The following AREL1 variants were observed in gnomAD, a reference collection of about 807,000 sequenced individuals.
AREL1 encodes apoptosis-resistant E3 ubiquitin protein ligase 1.
AREL1 carries 62 observed loss-of-function variants against 99.0 expected under a neutral mutation model. That is an observed-to-expected ratio of 0.63 (90% CI 0.51 to 0.77). AREL1 has a LOEUF of 0.77. AREL1 is among the 30% of genes least tolerant of loss of function. AREL1 has a pLI of 0.00. For missense variants in AREL1, 879 were observed against 1,027.6 expected, an observed-to-expected ratio of 0.86 and a Z score of 1.98; for synonymous variants, 380 against 376.5, an observed-to-expected ratio of 1.01 and a Z score of -0.11.
intron 2 of AREL1, among the ~76,000 whole-genome samples, chr14:74,686,317 C>T (rs562612226): frequency 6.6e-6 from 1 of 152,104 alleles, no homozygotes; most frequent in Non-Finnish European, 1.5e-5. Flanking sequence ...CTCAGTCATG[C>T]CTGTCAAGGT....
rs1278516088 is a variant in AREL1 at position 74,663,900 on chromosome 14, A to G, written c.2368T>C (p.Cys790Arg). 2 of 1,614,082 alleles carry G rather than the reference A, an allele frequency of 1.2e-6. No homozygotes were observed. The highest frequency in any genetic ancestry group is 1.7e-6 in the Non-Finnish European group (2 of 1,180,032). Reference protein sequence around the residue: ...THSTLPTAHTCFNQLCLPTYD... With the variant: ...THSTLPTAHTRFNQLCLPTYD... The stretch of plus-strand genomic sequence containing the variant: ...TGCATCAGGCGGGCAGATACCTACC[A>G]TGTGTGTGCAGTAGGCAGCGTGCTA... The change falls in exon 19 of 20, where the codon TGT becomes CGT. Residue 790 changes from cysteine to arginine, a missense_variant and splice_region_variant. Transcript: ENST00000356357.
chr14:74,667,461 C>T lies in AREL1; in HGVS notation c.2044+4G>A. ...TTCAAGGCCAAGAACAGACAGGATC[C>T]CACCTTTTAGGAAATGTTCCACCTC... On this transcript the variant is annotated splice_donor_region_variant and intron_variant, in intron 16 of 19. Transcript: ENST00000356357. 6.2e-7 allele frequency: 1 copy of T among 1,613,648 alleles called. No homozygotes were observed. Among genetic ancestry groups the T allele is most frequent in the Non-Finnish European group, 8.5e-7 (1 of 1,179,636 alleles).
chr14:74,702,715 G>A (rs1228049252), intron 1 of AREL1, among the ~76,000 whole-genome samples: 1 of 152,160 alleles, frequency 6.6e-6, no homozygotes, highest in Non-Finnish European at 1.5e-5. Flanking sequence ...TATCGCCACT[G>A]TCAGGCTGCA....
In AREL1 at chr14:74,712,944, G is replaced by A. The variant is rs2140011445; in HGVS notation, c.-345C>T. ...GAGAGAAACGTTACCCGAGCCGGGG[G>A]TTGCAGCGCGACGAAGTTCCACCTC... On this transcript the variant is annotated 5_prime_UTR_variant, in exon 1 of 20. Transcript: ENST00000356357. The A allele has an allele frequency of 1.4e-6, 1 of 692,670 alleles. No individual in the cohort carries two copies. Among genetic ancestry groups the A allele is most frequent in the African/African-American group, 1.8e-5 (1 of 57,066 alleles). 42.9% of individuals were successfully genotyped at this position (692,670 alleles called of 1,614,324 possible).
At chr14:74,673,937 C>A in intron 9 of AREL1, 97 bp downstream of exon 9, 1 of 1,039,864 alleles carries the variant, frequency 9.6e-7, no homozygotes, top group East Asian at 2.6e-5. Flanking sequence ...TGAGATCTTG[C>A]AGAAACACTA....
intron 1 of AREL1, among the ~76,000 whole-genome samples, chr14:74,695,108 G>A (rs1468446196): frequency 1.4e-4 from 16 of 112,346 alleles, no homozygotes; most frequent in Non-Finnish European, 2.5e-4. Flanking sequence ...GTCTTGTTCT[G>A]TTGCCCAGGC....
chr14:74,702,652 C>T (rs577802759), intron 1 of AREL1, among the ~76,000 whole-genome samples: 1 of 152,300 alleles, frequency 6.6e-6, no homozygotes, highest in South Asian at 2.1e-4. Flanking sequence ...TTTATTTATG[C>T]AAATTTCTGT....
intron 2 of AREL1, among the ~76,000 whole-genome samples, chr14:74,690,447 T>G (rs2089853390): frequency 6.6e-6 from 1 of 152,198 alleles, no homozygotes; most frequent in South Asian, 2.1e-4. Flanking sequence ...AACAGTATAT[T>G]CACTTGAGCC....
At chr14:74,674,224 C>T (rs1341889171) in intron 8 of AREL1, 113 bp from the exon 9 acceptor site, 1 of 824,674 alleles carries the variant, frequency 1.2e-6, no homozygotes. Flanking sequence ...CCTTTCCTCT[C>T]CATGGACAAA....
chr14:74,699,376 TGAG>T (rs2090039601), intron 1 of AREL1, among the ~76,000 whole-genome samples: 1 of 135,524 alleles, frequency 7.4e-6, no homozygotes, highest in African/African-American at 2.7e-5. Flanking sequence ...TGTGTGTGTG[TGAG>T]AGAGAGAGAG....
chr14:74,702,494 A>C (rs1261808740), intron 1 of AREL1, among the ~76,000 whole-genome samples: 1 of 152,112 alleles, frequency 6.6e-6, no homozygotes, highest in Non-Finnish European at 1.5e-5. Flanking sequence ...AAGTCCCTAC[A>C]CTGCACACAG....
intron 1 of AREL1, among the ~76,000 whole-genome samples, chr14:74,698,165 C>T (rs1018484219): frequency 1.3e-5 from 2 of 152,140 alleles, no homozygotes; most frequent in African/African-American, 4.8e-5. Flanking sequence ...TTAACATATC[C>T]TTTACCACTA....
intron 1 of AREL1, among the ~76,000 whole-genome samples, chr14:74,707,884 G>A (rs1172250254): frequency 1.3e-5 from 2 of 151,350 alleles, no homozygotes; most frequent in Non-Finnish European, 2.9e-5. Flanking sequence ...GTGAACCCGG[G>A]AGGCGGAGCT....
chr14:74,679,859 T>C (rs2089588886), intron 5 of AREL1, among the ~76,000 whole-genome samples: 1 of 144,392 alleles, frequency 6.9e-6, no homozygotes, highest in African/African-American at 2.6e-5. Flanking sequence ...AATAAATAAA[T>C]AAATAATAAT....
At chr14:74,671,524 C>G in intron 11 of AREL1, 41 bp from the exon 12 acceptor site, 2 of 1,353,802 alleles carry the variant, frequency 1.5e-6, no homozygotes, top group Non-Finnish European at 2.1e-6. Flanking sequence ...AGAACACTGG[C>G]TGGTGTCCTC....
chr14:74,683,584 T>C (rs748694852), intron 4 of AREL1, 51 bp from the exon 5 acceptor site: 1 of 1,566,408 alleles, frequency 6.4e-7, no homozygotes, highest in Non-Finnish European at 8.8e-7. Flanking sequence ...GAAAAAAACA[T>C]TTCCTGTGTA....
At chr14:74,688,447 CCT>C (rs995916890) in intron 2 of AREL1, among the ~76,000 whole-genome samples, 18 of 152,264 alleles carry the variant, frequency 1.2e-4, no homozygotes, top group East Asian at 1.9e-4. Context: ...CCATTTTTCC[CCT>C]GTCACTTATT....
intron 5 of AREL1, among the ~76,000 whole-genome samples, chr14:74,681,960 G>C (rs186257680): frequency 6.6e-5 from 10 of 151,982 alleles, no homozygotes; most frequent in Non-Finnish European, 1.5e-4. Context: ...CTGGGAAAAG[G>C]GTACACCAGA....
chr14:74,681,825 G>A lies in AREL1; in HGVS notation c.481+1471C>T, dbSNP rs542517449. On this transcript the variant is annotated intron_variant, in intron 5 of 19. Transcript: ENST00000356357. The stretch of plus-strand genomic sequence containing the variant: ...CAGGTTGGGGGGGATAGGTGTGGCT[G>A]TAAAAGGGCAACATAAGGGATCCTT... Among the ~76,000 whole-genome samples the A allele has an allele frequency of 6.0e-5, 9 of 151,180 alleles. No homozygotes were observed. The South Asian group carries it at 1.7e-3, about 28-fold the overall frequency.
Sources: allele counts gnomAD v4.1 joint callset (sites outside exome capture counted in the v4.1 genomes callset), GRCh38; gene constraint gnomAD v4.1.1; transcripts MANE v1.5; gene names NCBI Gene and HGNC (gene_info 2026-07-23, HGNC 2026-07-21).